The following EYS variants were observed in gnomAD, a reference collection of about 807,000 sequenced individuals.
EYS encodes the protein protein eyes shut homolog.
A neutral mutation model predicts 282.1 loss-of-function variants in EYS; 250 were observed. The observed-to-expected ratio is 0.89, with a 90% CI of 0.80 to 0.98. The LOEUF is 0.98. Among genes scored for constraint, EYS ranks in the 50% least tolerant of loss-of-function variants. The pLI is 0.00. For synonymous variants in EYS, 1,355 were observed against 1,282.9 expected (o/e 1.06, Z -1.20); for missense variants, 4,016 against 3,709.0 (o/e 1.08, Z -2.15).
At chr6:64,558,732 G>A (rs1765310062) in intron 26 of EYS, among the ~76,000 whole-genome samples, 1 of 152,080 alleles carries the variant, frequency 6.6e-6, no homozygotes, top group Non-Finnish European at 1.5e-5. Flanking sequence ...ATAAGTTTGG[G>A]AACTTTTTAG....
intron 35 of EYS, among the ~76,000 whole-genome samples, chr6:63,944,560 A>G (rs1765336327): frequency 6.6e-6 from 1 of 152,170 alleles, no homozygotes; most frequent in Non-Finnish European, 1.5e-5. Context: ...ATTACCTAAC[A>G]CAGTTATCAT....
At chr6:63,990,886 C>T in intron 34 of EYS, among the ~76,000 whole-genome samples, 1 of 151,682 alleles carries the variant, frequency 6.6e-6, no homozygotes, top group East Asian at 1.9e-4. Context: ...GGTATAGCTT[C>T]ATGGCCTCTC....
chr6:65,391,598 G>C (rs932144677), intron 7 of EYS, among the ~76,000 whole-genome samples: 1 of 152,022 alleles, frequency 6.6e-6, no homozygotes, highest in Non-Finnish European at 1.5e-5. Context: ...AAATACCTAG[G>C]ATTCCAACTT....
chr6:64,543,848 A>G lies in EYS; in HGVS notation c.5644+46375T>C, dbSNP rs1258194224. 2.0e-5 allele frequency among the ~76,000 whole-genome samples: 3 copies of G among 152,180 alleles called. No individual in the cohort carries two copies. In the East Asian group the frequency reaches 5.8e-4, roughly 29 times the overall value. On this transcript the variant is annotated intron_variant, in intron 26 of 42. Transcript: ENST00000503581. ...TCCCTCTTACATTCATACGAAAACT[A>G]AAGTCTAGAGAGGCTAAGAGATCTT...
At chr6:64,357,597 G>A (rs889015480) in intron 29 of EYS, among the ~76,000 whole-genome samples, 18 of 151,488 alleles carry the variant, frequency 1.2e-4, no homozygotes, top group African/African-American at 4.4e-4. Flanking sequence ...AAAGCCTGTT[G>A]GGAAAGGAAG....
chr6:65,009,556 T>G (rs1029319638), intron 13 of EYS, among the ~76,000 whole-genome samples: 2 of 152,158 alleles, frequency 1.3e-5, no homozygotes, highest in African/African-American at 4.8e-5. Context: ...ACCCAACGTC[T>G]CAACTCACCT....
intron 12 of EYS, among the ~76,000 whole-genome samples, chr6:65,192,569 C>A (rs9453220): frequency 1.3e-5 from 2 of 151,506 alleles, no homozygotes; most frequent in East Asian, 3.9e-4. Flanking sequence ...TTTAGAAACC[C>A]GAGCTCTTAC....
chr6:64,897,877 G>A (rs1767525235), intron 18 of EYS, among the ~76,000 whole-genome samples: 1 of 152,148 alleles, frequency 6.6e-6, no homozygotes, highest in Non-Finnish European at 1.5e-5. Context: ...TCAACTTAGT[G>A]AAATAAAGCA....
intron 13 of EYS, among the ~76,000 whole-genome samples, chr6:65,052,529 C>T (rs1561941734): frequency 6.6e-6 from 1 of 151,546 alleles, no homozygotes; most frequent in Non-Finnish European, 1.5e-5. Context: ...GAATGACTTC[C>T]TCATATCTTT....
At chr6:64,634,646 A>T (rs1489530973) in intron 22 of EYS, among the ~76,000 whole-genome samples, 1 of 152,076 alleles carries the variant, frequency 6.6e-6, no homozygotes, top group African/African-American at 2.4e-5. Flanking sequence ...CTGGGATGAG[A>T]TGAAAAGCAT....
At chr6:64,910,495 TA>T (rs1767957790) in intron 16 of EYS, among the ~76,000 whole-genome samples, 2 of 152,162 alleles carry the variant, frequency 1.3e-5, no homozygotes, top group Middle Eastern at 3.4e-3. Context: ...GCAAATTAGT[TA>T]AAAAATGATG....
At chr6:64,851,883 C>T (rs760189814) in intron 19 of EYS, among the ~76,000 whole-genome samples, 1 of 151,882 alleles carries the variant, frequency 6.6e-6, no homozygotes, top group Non-Finnish European at 1.5e-5. Context: ...TACAAGAAAC[C>T]CCCATGACAT....
At chr6:63,848,743 C>G (rs1013734901) in intron 36 of EYS, among the ~76,000 whole-genome samples, 1 of 152,102 alleles carries the variant, frequency 6.6e-6, no homozygotes, top group African/African-American at 2.4e-5. Context: ...GTTCCAAGCA[C>G]AAAACTGGGC....
chr6:65,355,948 G>A (rs1362601055), intron 8 of EYS, among the ~76,000 whole-genome samples: 2 of 152,002 alleles, frequency 1.3e-5, no homozygotes, highest in Non-Finnish European at 2.9e-5. Context: ...AAACAGAAAT[G>A]TGATTTGATC....
intron 12 of EYS, among the ~76,000 whole-genome samples, chr6:65,286,976 C>G (rs775670934): frequency 6.6e-6 from 1 of 151,398 alleles, no homozygotes; most frequent in Non-Finnish European, 1.5e-5. Context: ...AAGCCGGGAG[C>G]AGCTTATAAA....
intron 26 of EYS, among the ~76,000 whole-genome samples, chr6:64,543,998 T>C (rs1403414279): frequency 6.6e-6 from 1 of 152,202 alleles, no homozygotes; most frequent in Admixed American, 6.5e-5. Flanking sequence ...TAATTTCTTA[T>C]TCATAGAAAG....
intron 2 of EYS, among the ~76,000 whole-genome samples, chr6:65,500,659 T>G (rs1766417765): frequency 6.6e-6 from 1 of 152,066 alleles, no homozygotes; most frequent in Admixed American, 6.6e-5. Flanking sequence ...CTCAGATCTC[T>G]AGCTTGAGCA....
intron 8 of EYS, among the ~76,000 whole-genome samples, chr6:65,374,422 G>C (rs571042054): frequency 1.3e-5 from 2 of 151,838 alleles, no homozygotes; most frequent in African/African-American, 2.4e-5. Context: ...AGATTCCCTC[G>C]TGTGTCTACA....
At chr6:64,024,986 A>G (rs1163547362) in intron 33 of EYS, among the ~76,000 whole-genome samples, 2 of 152,196 alleles carry the variant, frequency 1.3e-5, no homozygotes, top group Admixed American at 1.3e-4. Context: ...GCCCAGTGGT[A>G]TGACAATCAC....
Sources: gnomAD v4.1 joint callset for allele counts (sites outside exome capture counted in the v4.1 genomes callset) on GRCh38, gnomAD v4.1.1 for gene constraint, MANE v1.5 for transcripts, NCBI Gene and HGNC (gene_info 2026-07-23, HGNC 2026-07-21) for gene names.